RALYL: variants seen among roughly 807,000 people sequenced by gnomAD.
RALYL encodes the protein RALY RNA binding protein like.
RALYL carries 29 observed loss-of-function variants against 35.1 expected under a neutral mutation model. The observed-to-expected ratio is 0.83, with a 90% CI of 0.61 to 1.13. RALYL has a LOEUF of 1.13. Among genes scored for constraint, RALYL ranks in the 50% most tolerant of loss-of-function variants. The pLI is 0.00. For synonymous variants in RALYL, 120 were observed against 127.6 expected, an observed-to-expected ratio of 0.94 and a Z score of 0.40; for missense variants, 359 against 360.4, an observed-to-expected ratio of 1.00 and a Z score of 0.03.
chr8:84,445,877 G>A (rs1241977635), intron 1 of RALYL, among the ~76,000 whole-genome samples: 1 of 151,132 alleles, frequency 6.6e-6, no homozygotes, highest in African/African-American at 2.4e-5. Flanking sequence ...TAATGTAATA[G>A]TATTCTTTTT....
intron 5 of RALYL, among the ~76,000 whole-genome samples, chr8:84,858,688 G>A (rs1006542877): frequency 2.6e-5 from 4 of 152,064 alleles, no homozygotes; most frequent in Non-Finnish European, 4.4e-5. Flanking sequence ...ACTGTAGGCC[G>A]AATTCTGATG....
intron 6 of RALYL, among the ~76,000 whole-genome samples, chr8:84,867,763 T>C (rs4568622): frequency 0.51 from 77,886 of 151,988 alleles, 21,476 homozygotes; most frequent in African/African-American, 0.72. Context: ...TTTATCTTTT[T>C]TCTTTGCCCA....
chr8:84,451,467 A>G (rs2049465909), intron 1 of RALYL, among the ~76,000 whole-genome samples: 1 of 151,950 alleles, frequency 6.6e-6, no homozygotes, highest in African/African-American at 2.4e-5. Context: ...ACTTACTCAT[A>G]TATTTATTTT....
intron 1 of RALYL, among the ~76,000 whole-genome samples, chr8:84,350,640 AGT>A (rs749796468): frequency 6.7e-6 from 1 of 150,290 alleles, no homozygotes; most frequent in Non-Finnish European, 1.5e-5. Context: ...CGTTAATCAG[AGT>A]GCTACACCAT....
chr8:84,727,429 G>C (rs1165711557), intron 2 of RALYL, among the ~76,000 whole-genome samples: 1 of 151,640 alleles, frequency 6.6e-6, no homozygotes, highest in Non-Finnish European at 1.5e-5. Context: ...TTATTCCAGA[G>C]GACTAACTCT....
chr8:84,332,341 A>G (rs1846987442), intron 1 of RALYL, among the ~76,000 whole-genome samples: 1 of 152,196 alleles, frequency 6.6e-6, no homozygotes, highest in Non-Finnish European at 1.5e-5. Flanking sequence ...TACAGAGGAC[A>G]GGAAAGAATC....
At position 84,808,057 on chromosome 8, in the gene RALYL, G is replaced by A. The variant is rs186760511; in HGVS notation, c.365+3255G>A. On this transcript the variant is annotated intron_variant, in intron 4 of 8. Transcript: ENST00000521268. ...CTTTGTTTTTATTGAATTTGCTTGC[G>A]GGTTCTTGGTCATGAAATCTAGGCC... 9.2e-5 allele frequency among the ~76,000 whole-genome samples: 14 copies of A among 152,160 alleles called. No homozygotes were observed. The East Asian group carries it at 1.5e-3, about 17-fold the overall frequency.
intron 2 of RALYL, among the ~76,000 whole-genome samples, chr8:84,532,163 T>C (rs2059318759): frequency 6.6e-6 from 1 of 152,056 alleles, no homozygotes; most frequent in African/African-American, 2.4e-5. Context: ...AGCAAGTACA[T>C]TAAAATTTAT....
chr8:84,881,741 T>A (rs1243596074), intron 7 of RALYL, among the ~76,000 whole-genome samples: 1 of 151,976 alleles, frequency 6.6e-6, no homozygotes, highest in Non-Finnish European at 1.5e-5. Flanking sequence ...AATTTGTACT[T>A]CTTTTCCTTT....
At chr8:84,772,258 G>A (rs1050924964) in intron 2 of RALYL, among the ~76,000 whole-genome samples, 1 of 151,946 alleles carries the variant, frequency 6.6e-6, no homozygotes, top group African/African-American at 2.4e-5. Flanking sequence ...AATTACCACA[G>A]CTTTAAAATA....
intron 1 of RALYL, among the ~76,000 whole-genome samples, chr8:84,290,097 A>C (rs528025906): frequency 6.6e-6 from 1 of 152,354 alleles, no homozygotes; most frequent in East Asian, 1.9e-4. Flanking sequence ...TGGAGAAAGG[A>C]AAGTAAATAT....
At chr8:84,241,918 AT>A (rs1828004530) in intron 1 of RALYL, among the ~76,000 whole-genome samples, 1 of 152,080 alleles carries the variant, frequency 6.6e-6, no homozygotes, top group South Asian at 2.1e-4. Flanking sequence ...AACATGGGCC[AT>A]GGTGGTTTGT....
At chr8:84,200,007 T>A (rs573491598) in intron 1 of RALYL, among the ~76,000 whole-genome samples, 1 of 140,584 alleles carries the variant, frequency 7.1e-6, no homozygotes. Flanking sequence ...TGGAATAGTT[T>A]GAAAATCCCA....
chr8:84,468,338 G>A (rs1328214553), intron 1 of RALYL, among the ~76,000 whole-genome samples: 2 of 151,838 alleles, frequency 1.3e-5, no homozygotes, highest in Non-Finnish European at 2.9e-5. Flanking sequence ...AGGCAGGCCT[G>A]GTGGTGACAA....
At chr8:84,312,848 G>T (rs1258271835) in intron 1 of RALYL, among the ~76,000 whole-genome samples, 1 of 152,210 alleles carries the variant, frequency 6.6e-6, no homozygotes, top group African/African-American at 2.4e-5. Context: ...GAGGACAGTG[G>T]CCCTTTTCTC....
intron 2 of RALYL, chr8:84,679,386 T>A (rs1834889500): frequency 3.8e-6 from 1 of 266,098 alleles, no homozygotes; most frequent in South Asian, 4.7e-5. Flanking sequence ...TCCAGAGAGA[T>A]TTGTTAACCT....
At chr8:84,811,521 C>T (rs1330818170) in intron 4 of RALYL, among the ~76,000 whole-genome samples, 1 of 152,028 alleles carries the variant, frequency 6.6e-6, no homozygotes, top group Non-Finnish European at 1.5e-5. Flanking sequence ...GATGAACTTC[C>T]CAGGTGTTCT....
At chr8:84,482,262 A>T (rs2054126797) in intron 1 of RALYL, among the ~76,000 whole-genome samples, 1 of 152,098 alleles carries the variant, frequency 6.6e-6, no homozygotes, top group African/African-American at 2.4e-5. Context: ...ATCCCATAAT[A>T]GATAGCATTA....
chr8:84,367,348 T>A (rs1401363518), intron 1 of RALYL, among the ~76,000 whole-genome samples: 7 of 91,162 alleles, frequency 7.7e-5, no homozygotes, highest in African/African-American at 1.1e-4. Context: ...TTTTTTTTTT[T>A]TTTTTTTTTT....
Sources: allele counts gnomAD v4.1 joint callset (sites outside exome capture counted in the v4.1 genomes callset), GRCh38; gene constraint gnomAD v4.1.1; transcripts MANE v1.5; gene names NCBI Gene and HGNC (gene_info 2026-07-23, HGNC 2026-07-21).